The following ZNF652 variants were observed in gnomAD, a reference collection of about 807,000 sequenced individuals.
ZNF652 encodes the protein zinc finger protein 652.
In ZNF652, 16 loss-of-function variants were observed where a neutral mutation model predicts 45.2. The observed-to-expected ratio is 0.35, with a 90% CI of 0.24 to 0.54. The LOEUF (loss-of-function observed/expected upper bound fraction) is 0.54, where lower values mean the gene tolerates loss of function less well. Among genes scored for constraint, ZNF652 ranks in the 20% least tolerant of loss-of-function variants. The pLI is 0.91. For synonymous variants in ZNF652, 250 were observed against 260.6 expected (o/e 0.96, Z 0.39); for missense variants, 614 against 765.6 (o/e 0.80, Z 2.34).
intron 1 of ZNF652, among the ~76,000 whole-genome samples, chr17:49,337,347 AAAAAAAAG>A (rs1004083455): frequency 5.3e-5 from 8 of 151,098 alleles, no homozygotes; most frequent in East Asian, 1.9e-4. Flanking sequence ...TAAAAAAAAA[AAAAAAAAG>A]AAAAAAGAAA....
intron 1 of ZNF652, among the ~76,000 whole-genome samples, chr17:49,356,429 C>CAAAAAAAAAA (rs35374808): frequency 2.4e-5 from 1 of 42,334 alleles, no homozygotes; most frequent in African/African-American, 1.1e-4. Context: ...ACTCTGTCTG[C>CAAAAAAAAAA]AAAAAAAAAA....
chr17:49,354,828 C>T (rs1427330402), intron 1 of ZNF652, among the ~76,000 whole-genome samples: 7 of 151,920 alleles, frequency 4.6e-5, no homozygotes, highest in Admixed American at 2.6e-4. Flanking sequence ...CAGGTTCAAG[C>T]GATTCTCATG....
rs573431023 is a variant in ZNF652, at chr17:49,299,642, A to G, written c.1310-718T>C. Among the ~76,000 whole-genome samples the G allele has an allele frequency of 3.3e-5, 5 of 151,966 alleles. No homozygotes were observed. In the East Asian group the frequency reaches 9.7e-4, roughly 29 times the overall value. ...GTGATCTACCCACCTCGGCCTCTCA[A>G]AGTGCTGGGATTACAGGTGTGAGCC... On this transcript the variant is annotated intron_variant, in intron 5 of 5. Coordinates refer to ENST00000430262, the MANE Select transcript of ZNF652 (RefSeq NM_001145365.3).
chr17:49,311,495 T>G (rs925214215), intron 4 of ZNF652, 39 bp from the exon 5 acceptor site: 6 of 1,599,252 alleles, frequency 3.8e-6, no homozygotes, highest in African/African-American at 2.7e-5. Context: ...ATGCCAAGCA[T>G]AGTAGCTTTA....
intron 1 of ZNF652, among the ~76,000 whole-genome samples, chr17:49,359,010 C>T (rs1370802462): frequency 6.6e-6 from 1 of 152,100 alleles, no homozygotes; most frequent in Admixed American, 6.6e-5. Flanking sequence ...TTCTCACAAC[C>T]GTATATGTTA....
intron 1 of ZNF652, among the ~76,000 whole-genome samples, chr17:49,344,664 G>A (rs566507242): frequency 6.6e-6 from 1 of 151,944 alleles, no homozygotes; most frequent in Admixed American, 6.6e-5. Flanking sequence ...GGGACTACAG[G>A]CGCACGCCAC....
intron 5 of ZNF652, among the ~76,000 whole-genome samples, chr17:49,300,543 T>C (rs1398631113): frequency 3.9e-5 from 6 of 152,232 alleles, no homozygotes; most frequent in Non-Finnish European, 8.8e-5. Context: ...AAATCCTTTA[T>C]GATTCTATAT....
chr17:49,314,171 AT>A (rs553039460), intron 2 of ZNF652, among the ~76,000 whole-genome samples: 7 of 150,690 alleles, frequency 4.6e-5, no homozygotes, highest in Admixed American at 1.3e-4. Flanking sequence ...AATCATTATT[AT>A]TTTTTTTGAG....
intron 1 of ZNF652, among the ~76,000 whole-genome samples, chr17:49,356,997 T>TAAAA (rs34251428): frequency 7.2e-6 from 1 of 138,710 alleles, no homozygotes. Flanking sequence ...AACTATGTTT[T>TAAAA]AAAAAAAAAA....
At chr17:49,354,136 T>C (rs2070309627) in intron 1 of ZNF652, among the ~76,000 whole-genome samples, 1 of 152,212 alleles carries the variant, frequency 6.6e-6, no homozygotes, top group Non-Finnish European at 1.5e-5. Context: ...ATTTCTACTA[T>C]GCATATCATT....
intron 2 of ZNF652, among the ~76,000 whole-genome samples, chr17:49,314,615 T>C (rs892531372): frequency 4.6e-5 from 7 of 152,216 alleles, no homozygotes; most frequent in African/African-American, 1.4e-4. Context: ...TCATGAATCA[T>C]TAATAGCCTG....
chr17:49,301,302 C>CT (rs889665446), intron 5 of ZNF652, among the ~76,000 whole-genome samples: 23 of 151,276 alleles, frequency 1.5e-4, no homozygotes, highest in East Asian at 3.9e-4. Context: ...TGTCTTTACG[C>CT]TTTTTTTTTG....
rs533940784 is a variant in ZNF652 at position 49,319,409 on chromosome 17, C to T, written c.-258-1426G>A. On this transcript the variant is annotated intron_variant, in intron 1 of 5. Coordinates refer to ENST00000430262, the MANE Select transcript of ZNF652 (RefSeq NM_001145365.3). ...CAGCACTTTGGGAGGCCAACGTAGTCGGATCACGAGGTCAGGAGATCGAGA... is the reference window on the plus strand; with the variant it reads ...CAGCACTTTGGGAGGCCAACGTAGTTGGATCACGAGGTCAGGAGATCGAGA... Among the ~76,000 whole-genome samples the T allele has an allele frequency of 5.9e-5, 9 of 151,496 alleles. No homozygotes were observed. In the East Asian group the frequency reaches 1.6e-3, roughly 26 times the overall value.
intron 2 of ZNF652, among the ~76,000 whole-genome samples, chr17:49,313,816 T>TA (rs2069753097): frequency 1.3e-5 from 2 of 149,818 alleles, no homozygotes; most frequent in African/African-American, 4.9e-5. Flanking sequence ...CTACTAAAAA[T>TA]AAAAAAATTA....
intron 2 of ZNF652, among the ~76,000 whole-genome samples, chr17:49,316,522 T>C (rs1173029127): frequency 4.6e-5 from 7 of 152,212 alleles, no homozygotes; most frequent in Admixed American, 1.3e-4. Flanking sequence ...TGAATTCTAT[T>C]ACACGTCCTA....
intron 1 of ZNF652, among the ~76,000 whole-genome samples, chr17:49,332,765 C>A (rs4420575): frequency 0.23 from 34,936 of 152,120 alleles, 4,130 homozygotes; most frequent in South Asian, 0.32. Context: ...CAGGTGTGAG[C>A]TGCTGCACCC....
chr17:49,326,562 C>T (rs547278082), intron 1 of ZNF652, among the ~76,000 whole-genome samples: 457 of 152,156 alleles, frequency 3.0e-3, no homozygotes, highest in Non-Finnish European at 4.4e-3. Context: ...TGAAGATGAA[C>T]CTAGGGACCA....
At chr17:49,342,564 G>A (rs74581952) in intron 1 of ZNF652, among the ~76,000 whole-genome samples, 2 of 138,134 alleles carry the variant, frequency 1.4e-5, no homozygotes, top group Non-Finnish European at 3.1e-5. Flanking sequence ...AGGGGGGGGG[G>A]GGGGGGGAAT....
chr17:49,360,690 T>C (rs569234880), intron 1 of ZNF652, among the ~76,000 whole-genome samples: 171 of 152,224 alleles, frequency 1.1e-3, no homozygotes, highest in Non-Finnish European at 2.0e-3. Flanking sequence ...ACACACATGT[T>C]GTCAACAAAG....
Sources: gnomAD v4.1 joint callset for allele counts (sites outside exome capture counted in the v4.1 genomes callset) on GRCh38, gnomAD v4.1.1 for gene constraint, MANE v1.5 for transcripts, NCBI Gene and HGNC (gene_info 2026-07-23, HGNC 2026-07-21) for gene names.